Variants in ANO1 observed in about 807,000 individuals in gnomAD.
ANO1 encodes the protein anoctamin-1.
ANO1 carries 59 observed loss-of-function variants against 124.0 expected under a neutral mutation model. That is an observed-to-expected ratio of 0.48 (90% CI 0.39 to 0.59). The LOEUF is 0.59. Ranked by LOEUF, ANO1 falls within the 20% of genes least tolerant of loss-of-function variation. The probability of loss-of-function intolerance (pLI) is 0.00; values close to 1 mark genes in which losing one functional copy is unlikely to be tolerated. For synonymous variants in ANO1, 529 were observed against 532.0 expected, an observed-to-expected ratio of 0.99 and a Z score of 0.08; for missense variants, 1,059 against 1,328.0, an observed-to-expected ratio of 0.80 and a Z score of 3.15.
At chr11:70,089,408 C>T (rs535639560) in intron 2 of ANO1, among the ~76,000 whole-genome samples, 30 of 152,276 alleles carry the variant, frequency 2.0e-4, no homozygotes, top group African/African-American at 7.0e-4. Flanking sequence ...GGAGTGGAAA[C>T]GCCTCTGTTT....
intron 1 of ANO1, among the ~76,000 whole-genome samples, chr11:70,071,760 A>G (rs1180768753): frequency 1.3e-5 from 2 of 151,972 alleles, no homozygotes; most frequent in African/African-American, 4.8e-5. Flanking sequence ...AGTAGCTGGG[A>G]TTATAGGCAC....
Position 70,108,469 on chromosome 11 carries a change from A to T in ANO1, c.799+65A>T, listed in dbSNP as rs1380915747. On this transcript the variant is annotated intron_variant, in intron 6 of 25. Coordinates refer to ENST00000355303, the MANE Select transcript of ANO1 (RefSeq NM_018043.7). The stretch of plus-strand genomic sequence containing the variant: ...CAAGTCGGAATCTCACCTCCGAGTC[A>T]TCTCTGTGGGAGGCAGGCAGCCGGC... The T allele has an allele frequency of 7.7e-6, 12 of 1,556,382 alleles. No individual in the cohort carries two copies. The East Asian group carries it at 1.4e-4, about 18-fold the overall frequency.
chr11:70,004,241 C>T (rs949101761), intron 1 of ANO1, among the ~76,000 whole-genome samples: 3 of 152,086 alleles, frequency 2.0e-5, no homozygotes, highest in Non-Finnish European at 2.9e-5. Context: ...CTGTGCTAGA[C>T]GTGAGCTTTA....
At chr11:69,981,326 C>A (rs1278918354), upstream of ANO1, among the ~76,000 whole-genome samples, 1 of 152,314 alleles carries the variant, frequency 6.6e-6, no homozygotes, top group South Asian at 2.1e-4. Flanking sequence ...CCTCTGATTC[C>A]TTATCTGTAA....
chr11:70,144,435 C>A (rs562376799), intron 11 of ANO1, among the ~76,000 whole-genome samples: 4 of 152,228 alleles, frequency 2.6e-5, no homozygotes, highest in Non-Finnish European at 5.9e-5. Flanking sequence ...GTAACAAGCC[C>A]ATTTCTCAGA....
intron 2 of ANO1, among the ~76,000 whole-genome samples, chr11:70,101,527 G>C (rs1174494009): frequency 1.4e-5 from 2 of 140,816 alleles, no homozygotes; most frequent in African/African-American, 2.8e-5. Context: ...CTGCATTCCA[G>C]CCTGGGAAAC....
chr11:70,021,564 T>A (rs1555002630), intron 1 of ANO1, among the ~76,000 whole-genome samples: 1 of 152,156 alleles, frequency 6.6e-6, no homozygotes. Flanking sequence ...AGGACGTGGT[T>A]CCCATTGTCC....
intron 22 of ANO1, among the ~76,000 whole-genome samples, chr11:70,177,690 C>G (rs925751671): frequency 6.6e-6 from 1 of 151,274 alleles, no homozygotes; most frequent in Non-Finnish European, 1.5e-5. Flanking sequence ...ACCTCCGCCC[C>G]CCGGGTTCAA....
At chr11:69,968,117 T>C in the ANO1 span, among the ~76,000 whole-genome samples, 3 of 152,234 alleles carry the variant, frequency 2.0e-5, no homozygotes, top group East Asian at 5.8e-4. Flanking sequence ...ATCGAGTGAA[T>C]GAATGAATGG....
upstream of ANO1, among the ~76,000 whole-genome samples, chr11:70,076,706 TC>T (rs1363341804): frequency 6.6e-6 from 1 of 152,178 alleles, no homozygotes; most frequent in African/African-American, 2.4e-5. Context: ...TCTCTCGCTG[TC>T]CAAGGTGCAG....
chr11:70,074,747 G>A (rs2044036253), upstream of ANO1, among the ~76,000 whole-genome samples: 1 of 152,202 alleles, frequency 6.6e-6, no homozygotes, highest in Non-Finnish European at 1.5e-5. Flanking sequence ...GAGGCAGAGG[G>A]TGCTGCTGGC....
In ANO1 at chr11:70,170,884, C is replaced by T. The variant is rs368879806; in HGVS notation, c.2198-3C>T. ...GCTGACTAGCACTGGGCTCTCTCTG[C>T]AGTCATCCAGTTTGGCTTCGTCACC... On this transcript the variant is annotated splice_polypyrimidine_tract_variant and splice_region_variant and intron_variant, in intron 21 of 25. Coordinates refer to ENST00000355303, the MANE Select transcript of ANO1 (RefSeq NM_018043.7). The T allele has an allele frequency of 3.1e-6, 5 of 1,612,664 alleles. No homozygotes were observed. Among genetic ancestry groups the T allele is most frequent in the Non-Finnish European group, 4.2e-6 (5 of 1,179,404 alleles).
chr11:70,076,589 C>T (rs554815719), upstream of ANO1, among the ~76,000 whole-genome samples: 13 of 152,292 alleles, frequency 8.5e-5, no homozygotes, highest in South Asian at 2.7e-3. Flanking sequence ...TCTGTACATG[C>T]GTGTGGGATT....
intron 1 of ANO1, among the ~76,000 whole-genome samples, chr11:70,040,357 G>T (rs890379223): frequency 2.0e-5 from 3 of 152,168 alleles, no homozygotes; most frequent in Admixed American, 2.0e-4. Context: ...GAGAACAGAC[G>T]AGAAGGTATG....
chr11:70,037,803 A>C (rs1857119159), intron 1 of ANO1, among the ~76,000 whole-genome samples: 1 of 152,014 alleles, frequency 6.6e-6, no homozygotes, highest in Admixed American at 6.6e-5. Context: ...TAGTCATTTG[A>C]CTCTCACATC....
upstream of ANO1, among the ~76,000 whole-genome samples, chr11:70,073,845 C>G (rs1354126175): frequency 1.7e-5 from 2 of 119,266 alleles, no homozygotes; most frequent in Non-Finnish European, 3.4e-5. Context: ...ACCCTCCCCC[C>G]GCCCCCCACC....
At chr11:70,033,599 T>C (rs1005956739) in intron 1 of ANO1, among the ~76,000 whole-genome samples, 4 of 152,078 alleles carry the variant, frequency 2.6e-5, no homozygotes, top group Non-Finnish European at 4.4e-5. Context: ...GCCTGGTGCA[T>C]AGTAGGTGGT....
chr11:69,990,726 C>A (rs1229327894), intron 1 of ANO1, among the ~76,000 whole-genome samples: 3 of 150,810 alleles, frequency 2.0e-5, no homozygotes, highest in Non-Finnish European at 4.4e-5. Flanking sequence ...ATTTTCACTG[C>A]CTAATCACTA....
chr11:70,171,020 T>C lies in ANO1; in HGVS notation c.2331T>C (p.Ala777=), dbSNP rs370868772. The part of the protein sequence containing the change: ...KFVTELRRPV[A]VRAKDIGIWY... ...TCACTGAGCTCCGAAGGCCGGTAGC[T>C]GTCAGAGCCAAAGACATCGGTGAGT... Residue 777 remains alanine, a synonymous_variant, in exon 22 of 26, where the codon GCT becomes GCC. Coordinates refer to ENST00000355303, the MANE Select transcript of ANO1 (RefSeq NM_018043.7). 8 of 1,612,320 alleles carry C rather than the reference T, an allele frequency of 5.0e-6. No homozygotes were observed. The highest frequency in any genetic ancestry group is 1.7e-5 in the Admixed American group (1 of 59,782).
Sources: gnomAD v4.1 joint callset for allele counts (sites outside exome capture counted in the v4.1 genomes callset) on GRCh38, gnomAD v4.1.1 for gene constraint, MANE v1.5 for transcripts, NCBI Gene and HGNC (gene_info 2026-07-23, HGNC 2026-07-21) for gene names.